SCARA5: variants seen among roughly 807,000 people sequenced by gnomAD.
The protein encoded by SCARA5 is scavenger receptor class A, member 5 (putative).
A neutral mutation model predicts 46.3 loss-of-function variants in SCARA5; 45 were observed. That is an observed-to-expected ratio of 0.97 (90% CI 0.76 to 1.24). SCARA5 has a LOEUF of 1.24. Ranked by LOEUF, SCARA5 falls within the 50% of genes most tolerant of loss-of-function variation. The pLI is 0.00. For synonymous variants in SCARA5, 333 were observed against 306.5 expected, an observed-to-expected ratio of 1.09 and a Z score of -0.90; for missense variants, 680 against 689.0, an observed-to-expected ratio of 0.99 and a Z score of 0.15.
At chr8:27,929,783 AG>A (rs1230756908) in intron 3 of SCARA5, among the ~76,000 whole-genome samples, 1 of 152,194 alleles carries the variant, frequency 6.6e-6, no homozygotes, top group African/African-American at 2.4e-5. Context: ...ACTTGGCTAT[AG>A]TCTCTTATTA....
intron 7 of SCARA5, among the ~76,000 whole-genome samples, chr8:27,893,997 G>A (rs1807024234): frequency 6.6e-6 from 1 of 152,184 alleles, no homozygotes; most frequent in African/African-American, 2.4e-5. Context: ...CTGGCTCAGG[G>A]CCATCCCCAA....
At chr8:27,988,122 T>A (rs11783479) in intron 1 of SCARA5, among the ~76,000 whole-genome samples, 16,733 of 151,890 alleles carry the variant, frequency 0.11, 1,391 homozygotes, top group African/African-American at 0.23. Flanking sequence ...GGGTACAGAG[T>A]CCACTTGCAA....
rs189929233 is a variant in SCARA5, at chr8:27,912,099, G to C, written c.917-2356C>G. ...CTTGATTTCAGACTTCGAGTCTCCAGAACTGTGAGAAAATAAGCTTCTGTT... is the reference window on the plus strand; with the variant it reads ...CTTGATTTCAGACTTCGAGTCTCCACAACTGTGAGAAAATAAGCTTCTGTT... On this transcript the variant is annotated intron_variant, in intron 4 of 8. Transcript: ENST00000354914. 5.4e-4 allele frequency among the ~76,000 whole-genome samples: 82 copies of C among 152,272 alleles called. 1 individual carries two copies. In the East Asian group the frequency reaches 0.013, roughly 24 times the overall value.
chr8:27,978,823 T>C (rs896508076), intron 2 of SCARA5, among the ~76,000 whole-genome samples: 4 of 152,146 alleles, frequency 2.6e-5, no homozygotes, highest in African/African-American at 7.2e-5. Context: ...ATCTTCTTAG[T>C]GCAGTCCCTC....
intron 2 of SCARA5, among the ~76,000 whole-genome samples, chr8:27,980,092 C>T (rs1464622155): frequency 6.6e-6 from 1 of 152,168 alleles, no homozygotes; most frequent in Non-Finnish European, 1.5e-5. Flanking sequence ...GGAGGACAGA[C>T]CAGCTAGAGC....
At chr8:27,876,580 T>C (rs1806727853) in intron 8 of SCARA5, among the ~76,000 whole-genome samples, 1 of 152,052 alleles carries the variant, frequency 6.6e-6, no homozygotes, top group South Asian at 2.1e-4. Flanking sequence ...GGGAAGGATA[T>C]GTGTGCAATT....
In SCARA5 at chr8:27,889,865, T is replaced by C. The variant is rs147561842; in HGVS notation, c.1154-10099A>G. Among the ~76,000 whole-genome samples the C allele has an allele frequency of 7.4e-4, 112 of 152,338 alleles. 2 individuals carry two copies. In the East Asian group the frequency reaches 0.018, roughly 25 times the overall value. ...CAGCCTTGGCTTTTGAGGAAAGTGA[T>C]AATATTTGTTGAAGTCCGGGGTGAT... is the stretch of plus-strand genomic sequence containing the variant. On this transcript the variant is annotated intron_variant, in intron 7 of 8. Transcript: ENST00000354914.
chr8:27,980,286 T>C (rs1477532113), intron 2 of SCARA5, among the ~76,000 whole-genome samples: 1 of 152,136 alleles, frequency 6.6e-6, no homozygotes, highest in African/African-American at 2.4e-5. Flanking sequence ...TGAGGAGAAC[T>C]GGGGGATGCC....
At chr8:27,963,951 C>T (rs940547839) in intron 3 of SCARA5, among the ~76,000 whole-genome samples, 2 of 152,126 alleles carry the variant, frequency 1.3e-5, no homozygotes, top group Non-Finnish European at 2.9e-5. Context: ...GCAAGGTGAC[C>T]TCTCTGGGCA....
At chr8:27,902,156 T>C (rs116935359) in intron 7 of SCARA5, among the ~76,000 whole-genome samples, 3 of 152,150 alleles carry the variant, frequency 2.0e-5, no homozygotes, top group East Asian at 1.9e-4. Context: ...TGTGCAAGCT[T>C]AGGCTCTGGG....
chr8:27,981,574 T>C (rs907315598), intron 2 of SCARA5, among the ~76,000 whole-genome samples: 1 of 152,178 alleles, frequency 6.6e-6, no homozygotes. Flanking sequence ...CACGTGGGGA[T>C]GGCGGGACAA....
At chr8:27,952,024 T>C (rs1037929113) in intron 3 of SCARA5, among the ~76,000 whole-genome samples, 1 of 128,860 alleles carries the variant, frequency 7.8e-6, no homozygotes, top group Non-Finnish European at 1.6e-5. Context: ...GTAGGTGTAA[T>C]CAAACTAAGA....
At chr8:27,876,382 G>A (rs1006742995) in intron 8 of SCARA5, among the ~76,000 whole-genome samples, 14 of 152,166 alleles carry the variant, frequency 9.2e-5, no homozygotes, top group South Asian at 2.1e-4. Flanking sequence ...CAAGAACGAC[G>A]AGGTGGGGAC....
intron 7 of SCARA5, among the ~76,000 whole-genome samples, chr8:27,888,093 G>C (rs1245785628): frequency 1.3e-5 from 2 of 152,026 alleles, no homozygotes; most frequent in East Asian, 1.9e-4. Flanking sequence ...GTCTGGCTCT[G>C]TCACCCAGGC....
rs1807608132 is a variant in SCARA5, at chr8:27,922,187, C to T, written c.300G>A (p.Arg100=). The T allele has an allele frequency of 2.5e-6, 4 of 1,604,058 alleles. No individual in the cohort carries two copies. Among genetic ancestry groups the T allele is most frequent in the Non-Finnish European group, 3.4e-6 (4 of 1,176,108 alleles). ...GCAAGTCCCGGAAGCTCTCATTCAG[C>T]CGGTTCACATTGCGAGTCAGGGCCT... ...DLKALTRNVN[R]LNESFRDLQL... The change falls in exon 4 of 9, where the codon CGG becomes CGA. Residue 100 remains arginine (R), a synonymous_variant. Coordinates refer to ENST00000354914, the MANE Select transcript of SCARA5 (RefSeq NM_173833.6).
intron 7 of SCARA5, among the ~76,000 whole-genome samples, chr8:27,883,473 G>T (rs991420869): frequency 3.9e-5 from 6 of 152,324 alleles, no homozygotes; most frequent in African/African-American, 1.4e-4. Context: ...TACTGGAGTG[G>T]TCAGTGGGTC....
At chr8:27,982,583 G>A (rs1169926792) in intron 2 of SCARA5, among the ~76,000 whole-genome samples, 4 of 152,220 alleles carry the variant, frequency 2.6e-5, no homozygotes, top group African/African-American at 4.8e-5. Flanking sequence ...TCCACGAGGT[G>A]AGGAGGATGG....
At chr8:27,879,505 G>A in intron 8 of SCARA5, 64 bp downstream of exon 8, 2 of 1,496,606 alleles carry the variant, frequency 1.3e-6, no homozygotes, top group Admixed American at 3.4e-5. Context: ...GGGCTTTGGA[G>A]GTGAGCCCAG....
At chr8:27,933,567 T>A (rs897483797) in intron 3 of SCARA5, among the ~76,000 whole-genome samples, 2 of 151,110 alleles carry the variant, frequency 1.3e-5, no homozygotes, top group South Asian at 2.1e-4. Context: ...ATGAGATTCA[T>A]GTGGTGAGTG....
Sources: gnomAD v4.1 joint callset for allele counts (sites outside exome capture counted in the v4.1 genomes callset) on GRCh38, gnomAD v4.1.1 for gene constraint, MANE v1.5 for transcripts, NCBI Gene and HGNC (gene_info 2026-07-23, HGNC 2026-07-21) for gene names.